ENAM: variants seen among roughly 807,000 people sequenced by gnomAD.
ENAM encodes the protein amelogenesis imperfecta 2, hypocalcification (autosomal dominant).
A neutral mutation model predicts 33.6 loss-of-function variants in ENAM; 21 were observed. That is an observed-to-expected ratio of 0.63 (90% confidence interval 0.44 to 0.90). The LOEUF (loss-of-function observed/expected upper bound fraction) is 0.90, where lower values mean the gene tolerates loss of function less well. ENAM is among the 40% of genes least tolerant of loss of function. The pLI is 0.00. For synonymous variants in ENAM, 473 were observed against 468.4 expected (o/e 1.01, Z -0.13); for missense variants, 1,388 against 1,366.9 (o/e 1.02, Z -0.24).
chr4:70,645,060 A>C lies in ENAM; in HGVS notation c.*205A>C. On this transcript the variant is annotated 3_prime_UTR_variant, in exon 9 of 9. Coordinates refer to ENST00000396073, the MANE Select transcript of ENAM (RefSeq NM_031889.3). ...GGATCACCAGATCTAGCACTTTCAC[A>C]GATTAGTGCAGACCTTAAAAAAGCA... The C allele has an allele frequency of 1.6e-6, 1 of 610,160 alleles. No homozygotes were observed. The highest frequency in any genetic ancestry group is 2.9e-6 in the Non-Finnish European group (1 of 342,392). The allele number at this position is 610,160 out of a possible 1,614,324, so 37.8% of individuals were successfully genotyped here.
In ENAM at chr4:70,643,325, A is replaced by C. The variant is rs552101482; in HGVS notation, c.1899A>C (p.Lys633Asn). The change falls in exon 9 of 9, where the codon AAA (lysine) becomes AAC (asparagine). Residue 633 changes from lysine to asparagine, a missense_variant. By Grantham distance (94) the Lys-to-Asn change is moderately conservative. Coordinates refer to ENST00000396073, the MANE Select transcript of ENAM (RefSeq NM_031889.3). ...ATTCTCCCAATACTATGGGGCAAAA[A>C]GAAAGTCCACTCTACCCCATAAATA... ...RDDSPNTMGQ[K>N]ESPLYPINTP... is the part of the protein sequence containing the mutation. The C allele has an allele frequency of 6.2e-7, 1 of 1,613,962 alleles. No homozygotes were observed. The highest frequency in any genetic ancestry group is 1.7e-5 in the Admixed American group (1 of 60,004).
rs1738763975 is a variant in ENAM at position 70,646,411 on chromosome 4, A to C, written c.*1556A>C. ...CATCTCAAAAATTTGGGGAAACACAACGTTGAAAACTTCCTAAGAAAAGGA... is the reference window on the plus strand; with the variant it reads ...CATCTCAAAAATTTGGGGAAACACACCGTTGAAAACTTCCTAAGAAAAGGA... On this transcript the variant is annotated 3_prime_UTR_variant, in exon 9 of 9. Transcript: ENST00000396073. The C allele has an allele frequency of 6.6e-6, 1 of 152,204 alleles. No individual in the cohort carries two copies. Among genetic ancestry groups the C allele is most frequent in the South Asian group, 2.1e-4 (1 of 4,830 alleles). The allele number at this position is 152,204 out of a possible 1,614,324, so 9.4% of individuals were successfully genotyped here.
In ENAM at chr4:70,642,519, G is replaced by C; in HGVS notation, c.1093G>C (p.Ala365Pro). The C allele has an allele frequency of 6.2e-7, 1 of 1,614,058 alleles. No homozygotes were observed. Among genetic ancestry groups the C allele is most frequent in the Non-Finnish European group, 8.5e-7 (1 of 1,179,998 alleles). ...AAGGGGTCCTCGGTGGAACTTCTTT[G>C]CTTGGGAACGTAAACAAGTAGCTCG... The part of the protein sequence containing the change: ...VQRGPRWNFF[A>P]WERKQVARPG... Residue 365 changes from alanine to proline, a missense_variant, in exon 9 of 9, where the codon GCT becomes CCT. Physicochemically the swap from Ala to Pro is conservative, Grantham distance 27. Coordinates refer to ENST00000396073, the MANE Select transcript of ENAM (RefSeq NM_031889.3).
In ENAM at chr4:70,643,775, C is replaced by G; in HGVS notation, c.2349C>G (p.Asn783Lys). 6.2e-7 allele frequency: 1 copy of G among 1,614,148 alleles called. No individual in the cohort carries two copies. The highest frequency in any genetic ancestry group is 8.5e-7 in the Non-Finnish European group (1 of 1,180,014). The change falls in exon 9 of 9, where the codon AAC becomes AAG. Residue 783 changes from asparagine to lysine, a missense_variant. Physicochemically the swap from Asn to Lys is moderately conservative, Grantham distance 94. Coordinates refer to ENST00000396073, the MANE Select transcript of ENAM (RefSeq NM_031889.3). Reference protein sequence around the residue: ...QGQRERRPYFNRNIWDQATHL... With the variant: ...QGQRERRPYFKRNIWDQATHL... The stretch of plus-strand genomic sequence containing the variant: ...AGAGAGAAAGAAGGCCGTATTTTAA[C>G]AGAAATATCTGGGATCAGGCAACAC...
rs747655917 is a variant in ENAM, at chr4:70,644,711, A to G, written c.3285A>G (p.Thr1095=). ...DSITPTENPN[T]LVELATEEQF... is the part of the protein sequence containing the mutation. ...TTACGCCTACTGAAAATCCTAACAC[A>G]TTGGTTGAGTTAGCTACTGAGGAAC... Residue 1095 remains threonine, a synonymous_variant, in exon 9 of 9, where the codon ACA becomes ACG. Coordinates refer to ENST00000396073, the MANE Select transcript of ENAM (RefSeq NM_031889.3). 2 of 1,614,138 alleles carry G rather than the reference A, an allele frequency of 1.2e-6. No homozygotes were observed. The highest frequency in any genetic ancestry group is 3.3e-5 in the Admixed American group (2 of 60,018).
Position 70,635,902 on chromosome 4 carries a change from A to ATT in ENAM, c.534+16_534+17dup. 6.4e-7 allele frequency: 1 copy of ATT among 1,562,502 alleles called. No individual in the cohort carries two copies. The highest frequency in any genetic ancestry group is 8.8e-7 in the Non-Finnish European group (1 of 1,136,284). ...CCATGGCAAATTCCACAGGTGAGAA[A>ATT]TTTTTTTTTCTTTACACTGTAAGTG... On this transcript the variant is annotated intron_variant, in intron 7 of 8. Transcript: ENST00000396073.
At chr4:70,633,756 T>C (rs1220201250) in intron 5 of ENAM, among the ~76,000 whole-genome samples, 1 of 152,150 alleles carries the variant, frequency 6.6e-6, no homozygotes, top group East Asian at 1.9e-4. Context: ...TTTGTAATTG[T>C]GGTGATTCTG....
Position 70,643,105 on chromosome 4 carries a change from T to C in ENAM, c.1679T>C (p.Phe560Ser). The change falls in exon 9 of 9, where the codon TTT (phenylalanine) becomes TCT (serine). Residue 560 changes from phenylalanine (F) to serine (S), a missense_variant. By Grantham distance (155) the Phe-to-Ser change is radical (BLOSUM62 -2). Transcript: ENST00000396073. ...EEIPSPAKEH[F>S]PAGRNTWDHQ... is the part of the protein sequence containing the mutation. ...ATCCCTTCTCCTGCAAAAGAACATT[T>C]TCCTGCTGGAAGAAATACTTGGGAC... 6.2e-7 allele frequency: 1 copy of C among 1,614,028 alleles called. No homozygotes were observed. Among genetic ancestry groups the C allele is most frequent in the Admixed American group, 1.7e-5 (1 of 60,022 alleles).
chr4:70,642,897 C>T lies in ENAM; in HGVS notation c.1471C>T (p.His491Tyr). Residue 491 changes from histidine to tyrosine, a missense_variant, in exon 9 of 9, where the codon CAT becomes TAT. Physicochemically the swap from His to Tyr is moderately conservative, Grantham distance 83. Coordinates refer to ENST00000396073, the MANE Select transcript of ENAM (RefSeq NM_031889.3). The stretch of plus-strand genomic sequence containing the variant: ...CCCAAATTTTAATTCTGTTGATCAA[C>T]ATGAAAACTCCTATTACCCAAGAGG... ...PVPNFNSVDQ[H>Y]ENSYYPRGDS... 1 of 1,614,108 alleles carries T rather than the reference C, an allele frequency of 6.2e-7. No individual in the cohort carries two copies. Among genetic ancestry groups the T allele is most frequent in the East Asian group, 2.2e-5 (1 of 44,874 alleles).
intron 4 of ENAM, 124 bp from the exon 5 acceptor site, chr4:70,632,527 A>G: frequency 2.5e-6 from 2 of 790,396 alleles, no homozygotes; most frequent in South Asian, 1.4e-5. Flanking sequence ...CATTAAAATC[A>G]GAAATTTTTA....
At chr4:70,639,084 A>G (rs1384778554) in intron 8 of ENAM, among the ~76,000 whole-genome samples, 1 of 152,092 alleles carries the variant, frequency 6.6e-6, no homozygotes, top group Non-Finnish European at 1.5e-5. Flanking sequence ...GGCATGAGCC[A>G]CTGCAACTGG....
intron 7 of ENAM, 100 bp from the exon 8 acceptor site, chr4:70,637,690 T>G (rs1346217032): frequency 1.1e-6 from 1 of 872,786 alleles, no homozygotes; most frequent in Non-Finnish European, 2.0e-6. Flanking sequence ...CTGAGCTCAA[T>G]CATTGACTTG....
rs773809721 is a variant in ENAM at position 70,642,584 on chromosome 4, T to C, written c.1158T>C (p.Thr386=). The C allele has an allele frequency of 6.2e-7, 1 of 1,613,858 alleles. No homozygotes were observed. Among genetic ancestry groups the C allele is most frequent in the Non-Finnish European group, 8.5e-7 (1 of 1,179,964 alleles). The change falls in exon 9 of 9, where the codon ACT becomes ACC. Residue 386 remains threonine (T), a synonymous_variant. Coordinates refer to ENST00000396073, the MANE Select transcript of ENAM (RefSeq NM_031889.3). ...TTTATCACAAAGCTTACCCTCCTACTTCAAGAGGCAATTATCCCAATTATG... is the reference window on the plus strand; with the variant it reads ...TTTATCACAAAGCTTACCCTCCTACCTCAAGAGGCAATTATCCCAATTATG... The part of the protein sequence containing the change: ...NPVYHKAYPP[T]SRGNYPNYAG...
intron 8 of ENAM, among the ~76,000 whole-genome samples, chr4:70,640,595 C>T (rs1738573329): frequency 1.3e-5 from 2 of 151,964 alleles, no homozygotes; most frequent in African/African-American, 4.8e-5. Flanking sequence ...TAATATATAA[C>T]ACTTATTAGG....
At position 70,629,332 on chromosome 4, in the gene ENAM, G is replaced by A. The variant is rs1388412149; in HGVS notation, c.-60-109G>A. 6 of 636,852 alleles carry A rather than the reference G, an allele frequency of 9.4e-6. No homozygotes were observed. In the East Asian group the frequency reaches 1.6e-4, roughly 17 times the overall value. The allele number at this position is 636,852 out of a possible 1,614,324, so 39.5% of individuals were successfully genotyped here. A position where few individuals can be genotyped will look rare whatever the true frequency, so the allele number is the denominator to read the frequency against. On this transcript the variant is annotated intron_variant, in intron 1 of 8. Transcript: ENST00000396073. The stretch of plus-strand genomic sequence containing the variant: ...ACAGAAGATTAAACTTGATTTTGTG[G>A]CCCCCTAATACAGGTATGACTGGAT...
rs1050138735 is a variant in ENAM, at chr4:70,646,430, A to T, written c.*1575A>T. 1 of 152,240 alleles carries T rather than the reference A, an allele frequency of 6.6e-6. No individual in the cohort carries two copies. Among genetic ancestry groups the T allele is most frequent in the African/African-American group, 2.4e-5 (1 of 41,456 alleles). The allele number at this position is 152,240 out of a possible 1,614,324, so 9.4% of individuals were successfully genotyped here. A position where few individuals can be genotyped will look rare whatever the true frequency, so the allele number is the denominator to read the frequency against. ...AACACAACGTTGAAAACTTCCTAAG[A>T]AAAGGAATCTTGCCCTTGAATCTTC... On this transcript the variant is annotated 3_prime_UTR_variant, in exon 9 of 9. Transcript: ENST00000396073.
chr4:70,629,407 C>T, intron 1 of ENAM, 34 bp from the exon 2 acceptor site: 1 of 916,334 alleles, frequency 1.1e-6, no homozygotes, highest in Non-Finnish European at 1.8e-6. Flanking sequence ...CTTTGCTATT[C>T]ATTTCATTTA....
chr4:70,644,464 A>G lies in ENAM; in HGVS notation c.3038A>G (p.Asp1013Gly). 1 of 1,614,160 alleles carries G rather than the reference A, an allele frequency of 6.2e-7. No homozygotes were observed. The highest frequency in any genetic ancestry group is 1.3e-5 in the African/African-American group (1 of 75,048). ...EDNQLNERTV[D>G]LTPEQLVIGT... Reference sequence around the variant, plus strand: ...AACCAGCTCAATGAAAGAACTGTTGACCTTACTCCTGAGCAGCTTGTTATT... The same window carrying G: ...AACCAGCTCAATGAAAGAACTGTTGGCCTTACTCCTGAGCAGCTTGTTATT... Residue 1013 changes from aspartate to glycine, a missense_variant, in exon 9 of 9, where the codon GAC becomes GGC. Transcript: ENST00000396073.
rs561402393 is a variant in ENAM at position 70,644,278 on chromosome 4, C to T, written c.2852C>T (p.Thr951Met). Reference protein sequence around the residue: ...SQNPFRDDVSTLRRNTPCSIK... With the variant: ...SQNPFRDDVSMLRRNTPCSIK... The stretch of plus-strand genomic sequence containing the variant: ...AACCCTTTTAGAGATGATGTGTCCA[C>T]GCTGAGGAGGAACACACCATGTTCT... Residue 951 changes from threonine (T) to methionine (M), a missense_variant, in exon 9 of 9, where the codon ACG becomes ATG. Transcript: ENST00000396073. The T allele has an allele frequency of 2.5e-5, 40 of 1,613,944 alleles. No homozygotes were observed. The highest frequency in any genetic ancestry group is 1.6e-4 in the Middle Eastern group (1 of 6,084).
Sources: gnomAD v4.1 joint callset for allele counts (sites outside exome capture counted in the v4.1 genomes callset) on GRCh38, gnomAD v4.1.1 for gene constraint, MANE v1.5 for transcripts, NCBI Gene and HGNC (gene_info 2026-07-23, HGNC 2026-07-21) for gene names.